Variants in ZBTB3 observed in about 807,000 individuals in gnomAD.
ZBTB3 encodes zinc finger and BTB domain-containing protein 3.
Under a neutral mutation model 30.6 loss-of-function variants are expected in ZBTB3, and 15 were observed. That is an observed-to-expected ratio of 0.49 (90% CI 0.33 to 0.75). The LOEUF (loss-of-function observed/expected upper bound fraction) is 0.75. Ranked by LOEUF, ZBTB3 falls within the 30% of genes least tolerant of loss-of-function variation. ZBTB3 has a pLI of 0.02. For synonymous variants in ZBTB3, 258 were observed against 261.7 expected (o/e 0.99, Z 0.14); for missense variants, 599 against 652.1 (o/e 0.92, Z 0.89).
chr11:62,753,043 G>A lies in ZBTB3; in HGVS notation c.622C>T (p.Arg208Trp), dbSNP rs1283149636. 12 of 1,614,002 alleles carry A rather than the reference G, an allele frequency of 7.4e-6. No homozygotes were observed. Among genetic ancestry groups the A allele is most frequent in the African/African-American group, 4.0e-5 (3 of 74,908 alleles). The stretch of plus-strand genomic sequence containing the variant: ...TCAGCCACTGGTGGATGAGGTGCCC[G>A]CAGATGTGGTGCGTCAACCTCCATG... ...PGMEVDAPHL[R>W]APHPPVADVS... The change falls in exon 2 of 2, where the codon CGG becomes TGG. Residue 208 changes from arginine (R) to tryptophan (W), a missense_variant. Transcript: ENST00000394807.
At chr11:62,753,877 A>C in intron 1 of ZBTB3, 87 bp downstream of exon 1, 5 of 1,578,630 alleles carry the variant, frequency 3.2e-6, no homozygotes, top group Non-Finnish European at 4.3e-6. Flanking sequence ...CCTCGGCCTA[A>C]CCTTAGAACA....
rs771603253 is a variant in ZBTB3, at chr11:62,752,744, T to C, written c.921A>G (p.Glu307=). Residue 307 remains glutamate, a synonymous_variant, in exon 2 of 2, where the codon GAA becomes GAG. Transcript: ENST00000394807. ...TCTCTTCATCAGAGATCACAATAGC[T>C]TCAACTTTCACCTGGACCAGCTCAG... ...AEAELVQVKV[E]AIVISDEETD... The C allele has an allele frequency of 1.2e-6, 2 of 1,614,166 alleles. No individual in the cohort carries two copies.
rs556420520 is a variant in ZBTB3 at position 62,753,524 on chromosome 11, T to G, written c.141A>C (p.Pro47=). The G allele has an allele frequency of 6.2e-7, 1 of 1,614,192 alleles. No homozygotes were observed. Among genetic ancestry groups the G allele is most frequent in the African/African-American group, 1.3e-5 (1 of 75,048 alleles). ...GCTCCTTGTAGAAAAGCTGGAAGAA[T>G]GGGCTGCAGGAGGCCAGCACAGCCC... is the stretch of plus-strand genomic sequence containing the variant. ...AHRAVLASCS[P]FFQLFYKERE... The change falls in exon 2 of 2, where the codon CCA becomes CCC. Residue 47 remains proline, a synonymous_variant. Coordinates refer to ENST00000394807, the MANE Select transcript of ZBTB3 (RefSeq NM_001370809.1).
intron 1 of ZBTB3, 94 bp from the exon 2 acceptor site, chr11:62,753,809 A>G: frequency 2.6e-6 from 4 of 1,529,046 alleles, no homozygotes; most frequent in Non-Finnish European, 3.5e-6. Flanking sequence ...CAATCGCTTA[A>G]GTTACTGCCC....
In ZBTB3 at chr11:62,753,018, T is replaced by A. The variant is rs1332552589; in HGVS notation, c.647A>T (p.Asp216Val). The A allele has an allele frequency of 6.2e-7, 1 of 1,614,076 alleles. No individual in the cohort carries two copies. Residue 216 changes from aspartate (D) to valine (V), a missense_variant, in exon 2 of 2, where the codon GAT becomes GTT. Transcript: ENST00000394807. ...GCTACTAGGGCTGGCAAGAGAGACA[T>A]CAGCCACTGGTGGATGAGGTGCCCG... ...HLRAPHPPVA[D>V]VSLASPSSST...
Position 62,752,483 on chromosome 11 carries a change from G to C in ZBTB3, c.1182C>G (p.Pro394=), listed in dbSNP as rs761971879. The C allele has an allele frequency of 1.2e-6, 2 of 1,614,116 alleles. No homozygotes were observed. Among genetic ancestry groups the C allele is most frequent in the Non-Finnish European group, 1.7e-6 (2 of 1,180,028 alleles). ...GGTAAAGTGGCTCATGCAGGGATGC[G>C]GGTGCAGGCAGAGGTGAGGTCACCA... is the stretch of plus-strand genomic sequence containing the variant. ...RGLVTSPLPA[P]ASLHEPLYLS... The change falls in exon 2 of 2, where the codon CCC becomes CCG. Residue 394 remains proline (P), a synonymous_variant. Transcript: ENST00000394807.
Position 62,752,839 on chromosome 11 carries a change from A to C in ZBTB3, c.826T>G (p.Ser276Ala), listed in dbSNP as rs1353229479. ...GPLQGFYPPASAPTSAPAPVS... is the reference protein window; with the variant it reads ...GPLQGFYPPAAAPTSAPAPVS... ...GGGGCTGGGGCTGACGTTGGGGCTG[A>C]GGCTGGGGGATAGAAGCCTTGCAGT... The change falls in exon 2 of 2, where the codon TCA becomes GCA. Residue 276 changes from serine to alanine, a missense_variant. Physicochemically the swap from Ser to Ala is moderately conservative, Grantham distance 99. Transcript: ENST00000394807. 3.1e-6 allele frequency: 5 copies of C among 1,613,938 alleles called. No homozygotes were observed. Among genetic ancestry groups the C allele is most frequent in the Admixed American group, 3.3e-5 (2 of 59,978 alleles).
rs1393655966 is a variant in ZBTB3 at position 62,751,687 on chromosome 11, A to T, written c.*403T>A. ...ATGCCTGTAATCCCAGCACTGCGGG[A>T]GGTGGAGATGGGCGGATCACGAGGT... is the stretch of plus-strand genomic sequence containing the variant. On this transcript the variant is annotated 3_prime_UTR_variant, in exon 2 of 2. Transcript: ENST00000394807. 1.3e-5 allele frequency: 2 copies of T among 153,368 alleles called. No individual in the cohort carries two copies. The highest frequency in any genetic ancestry group is 5.0e-5 in the African/African-American group (2 of 40,364). 9.5% of individuals were successfully genotyped at this position (153,368 alleles called of 1,614,324 possible).
In ZBTB3 at chr11:62,752,245, T is replaced by G. The variant is rs763115295; in HGVS notation, c.1420A>C (p.Asn474His). Residue 474 changes from asparagine to histidine, a missense_variant, in exon 2 of 2, where the codon AAT (asparagine) becomes CAT (histidine). Coordinates refer to ENST00000394807, the MANE Select transcript of ZBTB3 (RefSeq NM_001370809.1). ...DLYRHIRKAH[N>H]EDLAKRSKPD... ...TTGCTGCGTTTGGCCAGGTCCTCAT[T>G]GTGAGCCTTGCGGATGTGGCGGTAG... The G allele has an allele frequency of 1.2e-6, 2 of 1,614,174 alleles. No individual in the cohort carries two copies. The highest frequency in any genetic ancestry group is 3.3e-5 in the Admixed American group (2 of 60,020).
Position 62,753,703 on chromosome 11 carries a change from C to T in ZBTB3, c.-39G>A. 1.3e-6 allele frequency: 2 copies of T among 1,597,376 alleles called. No individual in the cohort carries two copies. The highest frequency in any genetic ancestry group is 1.7e-6 in the Non-Finnish European group (2 of 1,172,568). The stretch of plus-strand genomic sequence containing the variant: ...GGAAAGGGGGCCCAAAAAAGGTCCC[C>T]ACCAGTGGCTCCCTGAGAAAAAAGG... On this transcript the variant is annotated 5_prime_UTR_variant, in exon 2 of 2. Transcript: ENST00000394807.
chr11:62,752,432 T>C lies in ZBTB3; in HGVS notation c.1233A>G (p.Pro411=), dbSNP rs2084021815. ...LYLSSEYEAA[P]GSFGVFTEDV... is the part of the protein sequence containing the mutation. Reference sequence around the variant, plus strand: ...CCTCAGTAAAAACCCCAAAGCTTCCTGGAGCTGCTTCGTACTCAGAAGACA... The same window carrying C: ...CCTCAGTAAAAACCCCAAAGCTTCCCGGAGCTGCTTCGTACTCAGAAGACA... Residue 411 remains proline (P), a synonymous_variant, in exon 2 of 2, where the codon CCA becomes CCG. Transcript: ENST00000394807. The C allele has an allele frequency of 1.2e-6, 2 of 1,614,166 alleles. No homozygotes were observed. Among genetic ancestry groups the C allele is most frequent in the Non-Finnish European group, 1.7e-6 (2 of 1,180,032 alleles).
rs754527276 is a variant in ZBTB3 at position 62,752,285 on chromosome 11, C to T, written c.1380G>A (p.Thr460=). The T allele has an allele frequency of 1.8e-5, 29 of 1,614,142 alleles. No homozygotes were observed. Among genetic ancestry groups the T allele is most frequent in the East Asian group, 1.6e-4 (7 of 44,866 alleles). Residue 460 remains threonine, a synonymous_variant, in exon 2 of 2, where the codon ACG becomes ACA. Transcript: ENST00000394807. ...TGTGGCGGTAGAGGTCCCCTGACTGCGTGTAGCTCCGCAGGCAGTAGCGGC... is the reference window on the plus strand; with the variant it reads ...TGTGGCGGTAGAGGTCCCCTGACTGTGTGTAGCTCCGCAGGCAGTAGCGGC... The part of the protein sequence containing the change: ...YECRYCLRSY[T]QSGDLYRHIR...
chr11:62,752,577 T>A lies in ZBTB3; in HGVS notation c.1088A>T (p.His363Leu), dbSNP rs1438874570. ...AGLEEVGPSD[H>L]FLPTDPHLPY... ...TAGATGAGGGTCTGTTGGCAGGAAG[T>A]GGTCACTTGGCCCCACCTCCTCCAG... is the stretch of plus-strand genomic sequence containing the variant. The change falls in exon 2 of 2, where the codon CAC (histidine) becomes CTC (leucine). Residue 363 changes from histidine (H) to leucine (L), a missense_variant. By Grantham distance (99) the His-to-Leu change is moderately conservative. Coordinates refer to ENST00000394807, the MANE Select transcript of ZBTB3 (RefSeq NM_001370809.1). 1 of 1,614,126 alleles carries A rather than the reference T, an allele frequency of 6.2e-7. No homozygotes were observed. The highest frequency in any genetic ancestry group is 1.1e-5 in the South Asian group (1 of 91,086).
rs1349466633 is a variant in ZBTB3 at position 62,753,365 on chromosome 11, C to T, written c.300G>A (p.Leu100=). The T allele has an allele frequency of 6.2e-7, 1 of 1,614,096 alleles. No individual in the cohort carries two copies. The highest frequency in any genetic ancestry group is 8.5e-7 in the Non-Finnish European group (1 of 1,180,036). Residue 100 remains leucine (L), a synonymous_variant, in exon 2 of 2, where the codon CTG becomes CTA. Transcript: ENST00000394807. ...LRGDTPVEDV[L]AAASYLHMND... ...TCATGTGCAAGTAGCTGGCAGCTGC[C>T]AGCACATCCTCCACAGGGGTATCCC...
Position 62,752,044 on chromosome 11 carries a change from G to A in ZBTB3, c.*46C>T. 6.6e-7 allele frequency: 1 copy of A among 1,522,794 alleles called. No individual in the cohort carries two copies. Among genetic ancestry groups the A allele is most frequent in the Non-Finnish European group, 8.8e-7 (1 of 1,132,502 alleles). 94.3% of individuals were successfully genotyped at this position (1,522,794 alleles called of 1,614,324 possible). A position where few individuals can be genotyped will look rare whatever the true frequency, so the allele number is the denominator to read the frequency against. On this transcript the variant is annotated 3_prime_UTR_variant, in exon 2 of 2. Transcript: ENST00000394807. ...TAAGGTGCCACCAACCTTCTGAGCT[G>A]CCATCTAAGGATGGTAAGAGCAGCC...
rs1234966650 is a variant in ZBTB3, at chr11:62,753,117, G to A, written c.548C>T (p.Pro183Leu). Residue 183 changes from proline (P) to leucine (L), a missense_variant, in exon 2 of 2, where the codon CCT becomes CTT. Physicochemically the swap from Pro to Leu is moderately conservative, Grantham distance 98 (BLOSUM62 -3). Transcript: ENST00000394807. ...ACTAGACATTGGTGGCTCATCTGGA[G>A]GACGGACAGTAGGTGAGGGAGCAGC... Reference protein sequence around the residue: ...GSAAPSPTVRPPDEPPMSSGA... With the variant: ...GSAAPSPTVRLPDEPPMSSGA... The A allele has an allele frequency of 6.2e-6, 10 of 1,614,082 alleles. No individual in the cohort carries two copies. The highest frequency in any genetic ancestry group is 7.6e-6 in the Non-Finnish European group (9 of 1,180,054).
At position 62,752,823 on chromosome 11, in the gene ZBTB3, G is replaced by A. The variant is rs962794613; in HGVS notation, c.842C>T (p.Ala281Val). The A allele has an allele frequency of 4.3e-6, 7 of 1,614,116 alleles. No homozygotes were observed. Among genetic ancestry groups the A allele is most frequent in the East Asian group, 2.2e-5 (1 of 44,884 alleles). The change falls in exon 2 of 2, where the codon GCC (alanine) becomes GTC (valine). Residue 281 changes from alanine (A) to valine (V), a missense_variant. Ala to Val is a moderately conservative substitution (Grantham distance 64). Coordinates refer to ENST00000394807, the MANE Select transcript of ZBTB3 (RefSeq NM_001370809.1). Reference protein sequence around the residue: ...FYPPASAPTSAPAPVSAPVPS... With the variant: ...FYPPASAPTSVPAPVSAPVPS... ...AACTGGAGCTGAGACAGGGGCTGGG[G>A]CTGACGTTGGGGCTGAGGCTGGGGG...
In ZBTB3 at chr11:62,752,987, A is replaced by G. The variant is rs1196378379; in HGVS notation, c.678T>C (p.Thr226=). ...AGAAGTAGTTTGTAGGAATGGTCTC[A>G]GTGGAGCTACTAGGGCTGGCAAGAG... The part of the protein sequence containing the change: ...DVSLASPSSS[T]ETIPTNYFSS... Residue 226 remains threonine (T), a synonymous_variant, in exon 2 of 2, where the codon ACT becomes ACC. Coordinates refer to ENST00000394807, the MANE Select transcript of ZBTB3 (RefSeq NM_001370809.1). 6.2e-6 allele frequency: 10 copies of G among 1,613,818 alleles called. No individual in the cohort carries two copies. Among genetic ancestry groups the G allele is most frequent in the Non-Finnish European group, 8.5e-6 (10 of 1,179,704 alleles).
At position 62,752,752 on chromosome 11, in the gene ZBTB3, T is replaced by G; in HGVS notation, c.913A>C (p.Lys305Gln). 1 of 1,614,142 alleles carries G rather than the reference T, an allele frequency of 6.2e-7. No homozygotes were observed. Among genetic ancestry groups the G allele is most frequent in the Non-Finnish European group, 8.5e-7 (1 of 1,180,020 alleles). Residue 305 changes from lysine (K) to glutamine (Q), a missense_variant, in exon 2 of 2, where the codon AAA becomes CAA. Transcript: ENST00000394807. ...TCAGAGATCACAATAGCTTCAACTT[T>G]CACCTGGACCAGCTCAGCTTCAGCT... ...APAEAELVQVKVEAIVISDEE... is the reference protein window; with the variant it reads ...APAEAELVQVQVEAIVISDEE...
Sources: gnomAD v4.1 joint callset for allele counts on GRCh38, gnomAD v4.1.1 for gene constraint, MANE v1.5 for transcripts, NCBI Gene and HGNC (gene_info 2026-07-23, HGNC 2026-07-21) for gene names.